MCC: variants seen among roughly 807,000 people sequenced by gnomAD.
The protein encoded by MCC is colorectal mutant cancer protein.
A neutral mutation model predicts 116.2 loss-of-function variants in MCC; 90 were observed. That is an observed-to-expected ratio of 0.77 (90% CI 0.65 to 0.92). MCC has a LOEUF of 0.92. Among genes scored for constraint, MCC ranks in the 40% least tolerant of loss-of-function variants. The probability of loss-of-function intolerance (pLI) is 0.00; values close to 1 mark genes in which losing one functional copy is unlikely to be tolerated. For missense variants in MCC, 1,516 were observed against 1,312.2 expected, an observed-to-expected ratio of 1.16 and a Z score of -2.40; for synonymous variants, 578 against 510.5, an observed-to-expected ratio of 1.13 and a Z score of -1.78.
At chr5:113,285,894 G>C (rs542038724) in intron 3 of MCC, among the ~76,000 whole-genome samples, 5 of 152,120 alleles carry the variant, frequency 3.3e-5, no homozygotes, top group Non-Finnish European at 5.9e-5. Context: ...ATATGTGAAC[G>C]GTTACAAGAT....
chr5:113,194,649 C>A (rs1762306568), intron 3 of MCC, among the ~76,000 whole-genome samples: 1 of 151,574 alleles, frequency 6.6e-6, no homozygotes, highest in African/African-American at 2.4e-5. Flanking sequence ...CAAAGGAAGA[C>A]CCTGCCTCAA....
intron 3 of MCC, among the ~76,000 whole-genome samples, chr5:113,241,842 T>G (rs1166764598): frequency 6.6e-6 from 1 of 152,194 alleles, no homozygotes; most frequent in African/African-American, 2.4e-5. Context: ...CTGGAAAAAC[T>G]GCAAAGACAT....
intron 1 of MCC, among the ~76,000 whole-genome samples, chr5:113,455,276 G>T (rs1448337820): frequency 1.3e-5 from 2 of 152,128 alleles, no homozygotes; most frequent in African/African-American, 4.8e-5. Context: ...AGGCTGAAAG[G>T]CCACCTGCCT....
intron 3 of MCC, among the ~76,000 whole-genome samples, chr5:113,189,454 T>G (rs1762050143): frequency 6.6e-6 from 1 of 152,126 alleles, no homozygotes; most frequent in South Asian, 2.1e-4. Context: ...GCCCTTTAGG[T>G]GTAAGCCCAT....
At chr5:113,176,389 T>A (rs1027486529) in intron 3 of MCC, among the ~76,000 whole-genome samples, 8 of 152,240 alleles carry the variant, frequency 5.3e-5, no homozygotes, top group Admixed American at 4.6e-4. Context: ...CTCTTGCAGC[T>A]GTGCTGCCAA....
chr5:113,339,658 A>G (rs565307623), intron 3 of MCC, among the ~76,000 whole-genome samples: 1 of 152,254 alleles, frequency 6.6e-6, no homozygotes, highest in South Asian at 2.1e-4. Context: ...TGATGATTGT[A>G]TTTTAATTAT....
intron 1 of MCC, among the ~76,000 whole-genome samples, chr5:113,479,541 C>T (rs1015424385): frequency 1.3e-5 from 2 of 149,890 alleles, no homozygotes; most frequent in African/African-American, 2.5e-5. Flanking sequence ...ATGTTCATAA[C>T]GCCAATGTGT....
chr5:113,093,665 T>C (rs970631435), intron 8 of MCC, among the ~76,000 whole-genome samples: 1 of 151,994 alleles, frequency 6.6e-6, no homozygotes, highest in Non-Finnish European at 1.5e-5. Flanking sequence ...GCTAGGCAAG[T>C]ATGAGACAGG....
intron 3 of MCC, among the ~76,000 whole-genome samples, chr5:113,265,665 C>T (rs1471384724): frequency 1.3e-5 from 2 of 152,138 alleles, no homozygotes; most frequent in East Asian, 3.8e-4. Flanking sequence ...GAGGGCTACA[C>T]AGAGGAACTT....
chr5:113,461,168 G>A (rs977111187), intron 1 of MCC, among the ~76,000 whole-genome samples: 2 of 152,118 alleles, frequency 1.3e-5, no homozygotes, highest in Non-Finnish European at 2.9e-5. Flanking sequence ...GGCTGACACA[G>A]GAGGACTGCT....
At chr5:113,147,682 C>G (rs570089253) in intron 4 of MCC, among the ~76,000 whole-genome samples, 1 of 152,090 alleles carries the variant, frequency 6.6e-6, no homozygotes, top group African/African-American at 2.4e-5. Context: ...TGCCCAGGTT[C>G]GCTCGCTAAG....
intron 3 of MCC, among the ~76,000 whole-genome samples, chr5:113,321,798 G>A (rs139548430): frequency 1.3e-5 from 2 of 152,258 alleles, no homozygotes; most frequent in Non-Finnish European, 1.5e-5. Context: ...GATTCACTAG[G>A]TCCGGGGTGA....
Position 113,025,803 on chromosome 5 carries a change from G to T in MCC, c.*1499C>A, listed in dbSNP as rs1322629649. The T allele has an allele frequency of 6.6e-6, 1 of 152,072 alleles. No homozygotes were observed. The highest frequency in any genetic ancestry group is 1.5e-5 in the Non-Finnish European group (1 of 68,026). 9.4% of individuals were successfully genotyped at this position (152,072 alleles called of 1,614,324 possible). On this transcript the variant is annotated 3_prime_UTR_variant, in exon 19 of 19. Coordinates refer to ENST00000408903, the MANE Select transcript of MCC (RefSeq NM_001085377.2). ...ACAGCTGTCTGCCCTCCGAACTGGT[G>T]GCTGGAGTATCCTCCAGCGAACAGA...
intron 8 of MCC, among the ~76,000 whole-genome samples, chr5:113,092,694 A>C (rs749398364): frequency 6.6e-6 from 1 of 152,210 alleles, no homozygotes; most frequent in Non-Finnish European, 1.5e-5. Flanking sequence ...GATGAAAGAA[A>C]CAATGAAAGT....
chr5:113,401,655 A>G (rs1769690292), intron 1 of MCC, among the ~76,000 whole-genome samples: 1 of 152,070 alleles, frequency 6.6e-6, no homozygotes, highest in Non-Finnish European at 1.5e-5. Context: ...CTGAGAATAG[A>G]TGTTCCCAAT....
chr5:113,486,117 T>A (rs1410536476), intron 1 of MCC, among the ~76,000 whole-genome samples: 1 of 152,206 alleles, frequency 6.6e-6, no homozygotes, highest in South Asian at 2.1e-4. Context: ...TAAACACACT[T>A]CCAGACAAGT....
At chr5:113,208,793 G>C (rs1763009029) in intron 3 of MCC, among the ~76,000 whole-genome samples, 1 of 152,088 alleles carries the variant, frequency 6.6e-6, no homozygotes, top group African/African-American at 2.4e-5. Flanking sequence ...AGGAATTACA[G>C]TTCCTCACTG....
rs573143022 is a variant in MCC, at chr5:113,197,137, G to C, written c.628-45715C>G. 2.0e-5 allele frequency among the ~76,000 whole-genome samples: 3 copies of C among 152,308 alleles called. No individual in the cohort carries two copies. In the South Asian group the frequency reaches 6.2e-4, roughly 32 times the overall value. ...CCAGGGAGCTGTGGTGGGCTGGGGG[G>C]TCCGCTCCACTGTCACGGGCTTCTT... On this transcript the variant is annotated intron_variant, in intron 3 of 18. Coordinates refer to ENST00000408903, the MANE Select transcript of MCC (RefSeq NM_001085377.2).
Position 113,027,197 on chromosome 5 carries a change from G to A in MCC, c.*105C>T, listed in dbSNP as rs1750608414. ...TGTCCAAGTGCCGACCTACCTGCCA[G>A]CCTTCCCTTTCCTCCTCCTCCCAAC... On this transcript the variant is annotated 3_prime_UTR_variant, in exon 19 of 19. Transcript: ENST00000408903. 8.0e-7 allele frequency: 1 copy of A among 1,244,604 alleles called. No individual in the cohort carries two copies. The highest frequency in any genetic ancestry group is 2.4e-5 in the East Asian group (1 of 41,948). 77.1% of individuals were successfully genotyped at this position (1,244,604 alleles called of 1,614,324 possible).
Sources: gnomAD v4.1 joint callset for allele counts (sites outside exome capture counted in the v4.1 genomes callset) on GRCh38, gnomAD v4.1.1 for gene constraint, MANE v1.5 for transcripts, NCBI Gene and HGNC (gene_info 2026-07-23, HGNC 2026-07-21) for gene names.